HDLBP: variants seen among roughly 807,000 people sequenced by gnomAD.
HDLBP encodes the protein high density lipoprotein binding protein, also known as vigilin.
A neutral mutation model predicts 137.3 loss-of-function variants in HDLBP; 30 were observed. That is an observed-to-expected ratio of 0.22 (90% confidence interval 0.16 to 0.30). The LOEUF (loss-of-function observed/expected upper bound fraction) is 0.30, where lower values mean the gene tolerates loss of function less well. Ranked by LOEUF, HDLBP falls within the 10% of genes least tolerant of loss-of-function variation. HDLBP has a pLI of 1.00. For missense variants in HDLBP, 1,119 were observed against 1,667.3 expected, an observed-to-expected ratio of 0.67 and a Z score of 5.73; for synonymous variants, 606 against 596.0, an observed-to-expected ratio of 1.02 and a Z score of -0.24.
intron 16 of HDLBP, among the ~76,000 whole-genome samples, chr2:241,245,369 T>G (rs2071591346): frequency 6.6e-6 from 1 of 152,124 alleles, no homozygotes; most frequent in Non-Finnish European, 1.5e-5. Flanking sequence ...GTAGTTTTAG[T>G]AGTGACGGGG....
intron 5 of HDLBP, 51 bp downstream of exon 5, chr2:241,262,660 A>G (rs759098770): frequency 7.2e-7 from 1 of 1,381,170 alleles, no homozygotes; most frequent in Admixed American, 1.7e-5. Flanking sequence ...GGAGCCGGGT[A>G]ATGGAACGGG....
At chr2:241,292,523 GAATA>G (rs1180568726) in intron 1 of HDLBP, among the ~76,000 whole-genome samples, 2 of 152,152 alleles carry the variant, frequency 1.3e-5, no homozygotes, top group African/African-American at 4.8e-5. Flanking sequence ...ACCAAACACA[GAATA>G]AATATTAGAT....
At chr2:241,313,711 AAAAC>A (rs1029067212) in intron 1 of HDLBP, among the ~76,000 whole-genome samples, 12 of 152,220 alleles carry the variant, frequency 7.9e-5, no homozygotes, top group Non-Finnish European at 1.3e-4. Context: ...CTGGAAGGCC[AAAAC>A]AACAAAACCT....
intron 5 of HDLBP, among the ~76,000 whole-genome samples, chr2:241,259,711 G>A (rs1278877658): frequency 2.0e-5 from 3 of 152,196 alleles, no homozygotes; most frequent in Non-Finnish European, 4.4e-5. Context: ...CTGTGCTCAT[G>A]CAATCTGCTC....
At chr2:241,300,282 G>A (rs2075348027) in intron 1 of HDLBP, among the ~76,000 whole-genome samples, 1 of 152,076 alleles carries the variant, frequency 6.6e-6, no homozygotes, top group Non-Finnish European at 1.5e-5. Flanking sequence ...TAGCACTGCT[G>A]AGCCCCAGTC....
intron 1 of HDLBP, among the ~76,000 whole-genome samples, chr2:241,283,717 GCCC>G (rs1235147441): frequency 1.3e-5 from 2 of 151,860 alleles, no homozygotes; most frequent in Non-Finnish European, 2.9e-5. Flanking sequence ...CTCGTGATCC[GCCC>G]ACCTCAGCCT....
intron 12 of HDLBP, chr2:241,249,455 C>T: frequency 2.1e-6 from 1 of 484,800 alleles, no homozygotes; most frequent in South Asian, 1.5e-5. Context: ...GAGCAACAGC[C>T]CCCACTTCAG....
At chr2:241,286,968 A>G (rs575625949) in intron 1 of HDLBP, among the ~76,000 whole-genome samples, 1 of 151,062 alleles carries the variant, frequency 6.6e-6, no homozygotes, top group Non-Finnish European at 1.5e-5. Context: ...AAAAGAAAAC[A>G]TGTAGAATCC....
In HDLBP at chr2:241,231,397, CA is replaced by C. The variant is rs1299370961; in HGVS notation, c.3289-454del. On this transcript the variant is annotated intron_variant, in intron 24 of 27. Transcript: ENST00000310931. ...AAACTCCATCTCAAAAAAAAAAAAA[CA>C]AAAAAAAAACACCCCACAAAAAACC... The C allele has an allele frequency of 4.5e-3, 620 of 136,462 alleles. 9 individuals carry two copies. Among genetic ancestry groups the C allele is most frequent in the Admixed American group, 0.026 (361 of 13,852 alleles). The allele number at this position is 136,462 out of a possible 1,614,324, so 8.5% of individuals were successfully genotyped here. A position where few individuals can be genotyped will look rare whatever the true frequency, so the allele number is the denominator to read the frequency against.
rs2071070089 is a variant in HDLBP, at chr2:241,240,227, T to C, written c.2170-105A>G. The stretch of plus-strand genomic sequence containing the variant: ...CAGCAAGCTCGGGCTCCCCTTACAT[T>C]GTCACCAGTGTCCTGATGTTGCACC... On this transcript the variant is annotated intron_variant, in intron 17 of 27. Coordinates refer to ENST00000310931, the MANE Select transcript of HDLBP (RefSeq NM_005336.6). This position sits in a 1 kb window ranked among gnomAD's most constrained non-coding sequence, Gnocchi z 5.5. 4 of 1,062,304 alleles carry C rather than the reference T, an allele frequency of 3.8e-6. No homozygotes were observed. In the Admixed American group the frequency reaches 7.0e-5, roughly 19 times the overall value. The allele number at this position is 1,062,304 out of a possible 1,614,324, so 65.8% of individuals were successfully genotyped here.
At chr2:241,243,098 C>T (rs1334242068) in intron 16 of HDLBP, among the ~76,000 whole-genome samples, 1 of 152,174 alleles carries the variant, frequency 6.6e-6, no homozygotes, top group Admixed American at 6.5e-5. Flanking sequence ...CTGCTTTCAG[C>T]CAAGATGCAG....
chr2:241,229,556 G>A lies in HDLBP; in HGVS notation c.*45C>T. 1 of 1,386,622 alleles carries A rather than the reference G, an allele frequency of 7.2e-7. No individual in the cohort carries two copies. The highest frequency in any genetic ancestry group is 1.2e-5 in the South Asian group (1 of 84,844). The allele number at this position is 1,386,622 out of a possible 1,614,324, so 85.9% of individuals were successfully genotyped here. On this transcript the variant is annotated 3_prime_UTR_variant, in exon 28 of 28. Transcript: ENST00000310931. Reference sequence around the variant, plus strand: ...GATTGAGACAAACCATTGTGTGGTTGGGTTTGGGTCAGCAGGCTGGAGAGG... The same window carrying A: ...GATTGAGACAAACCATTGTGTGGTTAGGTTTGGGTCAGCAGGCTGGAGAGG...
chr2:241,242,301 G>A (rs1559491549), intron 17 of HDLBP, among the ~76,000 whole-genome samples, 159 bp downstream of exon 17: 2 of 152,142 alleles, frequency 1.3e-5, no homozygotes, highest in Non-Finnish European at 2.9e-5. Flanking sequence ...AGGCCCTCCA[G>A]TAACAGCAAA....
chr2:241,277,601 C>G (rs1359152007), intron 1 of HDLBP, among the ~76,000 whole-genome samples: 1 of 152,192 alleles, frequency 6.6e-6, no homozygotes, highest in Non-Finnish European at 1.5e-5. Flanking sequence ...AAATAAGTTA[C>G]CCAAACTGAG....
At chr2:241,290,889 A>G (rs1480612671) in intron 1 of HDLBP, among the ~76,000 whole-genome samples, 2 of 152,206 alleles carry the variant, frequency 1.3e-5, no homozygotes, top group Admixed American at 1.3e-4. Flanking sequence ...TATCCTAATA[A>G]TGTCAGTATC....
chr2:241,253,027 C>A lies in HDLBP; in HGVS notation c.1302G>T (p.Arg434=). ...IEGMVKDLIN[R]MDYVEINIDH... is the part of the protein sequence containing the mutation. ...CGATGTTGATCTCCACATAGTCCAT[C>A]CGGTTAATCTGCAGGAGGAGCACAG... is the stretch of plus-strand genomic sequence containing the variant. The change falls in exon 11 of 28, where the codon CGG becomes CGT. Residue 434 remains arginine, a synonymous_variant. Transcript: ENST00000310931. 6.2e-7 allele frequency: 1 copy of A among 1,604,786 alleles called. No homozygotes were observed. The highest frequency in any genetic ancestry group is 8.5e-7 in the Non-Finnish European group (1 of 1,172,102).
chr2:241,238,880 G>T lies in HDLBP; in HGVS notation c.2611-93C>A. The T allele has an allele frequency of 2.0e-6, 2 of 1,023,594 alleles. No individual in the cohort carries two copies. Among genetic ancestry groups the T allele is most frequent in the Non-Finnish European group, 2.7e-6 (2 of 727,612 alleles). 63.4% of individuals were successfully genotyped at this position (1,023,594 alleles called of 1,614,324 possible). A position where few individuals can be genotyped will look rare whatever the true frequency, so the allele number is the denominator to read the frequency against. On this transcript the variant is annotated intron_variant, in intron 19 of 27. Coordinates refer to ENST00000310931, the MANE Select transcript of HDLBP (RefSeq NM_005336.6). The surrounding 1 kb of genome is among the most constrained non-coding windows in gnomAD (Gnocchi z 4.9). ...CACTCTTCACACCACCTTCCTCCCT[G>T]TCCTCTACAGCCACTTGGCACAGAT... is the stretch of plus-strand genomic sequence containing the variant.
chr2:241,264,404 A>G lies in HDLBP; in HGVS notation c.234+44T>C, dbSNP rs2073487779. The G allele has an allele frequency of 3.7e-6, 5 of 1,369,526 alleles. No individual in the cohort carries two copies. In the South Asian group the frequency reaches 3.8e-5, roughly 10 times the overall value. The allele number at this position is 1,369,526 out of a possible 1,614,324, so 84.8% of individuals were successfully genotyped here. Reference sequence around the variant, plus strand: ...AAAAAATTTAAAAATTTACATAGACATGTTACATGATAAAATTTTTAAAAG... The same window carrying G: ...AAAAAATTTAAAAATTTACATAGACGTGTTACATGATAAAATTTTTAAAAG... On this transcript the variant is annotated intron_variant, in intron 4 of 27. Coordinates refer to ENST00000310931, the MANE Select transcript of HDLBP (RefSeq NM_005336.6).
chr2:241,286,820 C>T (rs555147165), intron 1 of HDLBP, among the ~76,000 whole-genome samples: 3 of 152,138 alleles, frequency 2.0e-5, no homozygotes, highest in Non-Finnish European at 4.4e-5. Context: ...GTAGTATGCA[C>T]CTGTAGTGCC....
Sources: gnomAD v4.1 joint callset for allele counts (sites outside exome capture counted in the v4.1 genomes callset) on GRCh38, gnomAD v4.1.1 for gene constraint, Gnocchi (gnomAD v3.1) non-coding constraint, MANE v1.5 for transcripts, NCBI Gene and HGNC (gene_info 2026-07-23, HGNC 2026-07-21) for gene names.